Variants in CAMK1D observed in about 807,000 individuals in gnomAD.
CAMK1D encodes calcium/calmodulin-dependent protein kinase type 1D.
CAMK1D carries 9 observed loss-of-function variants against 47.7 expected under a neutral mutation model. That is an observed-to-expected ratio of 0.19 (90% CI 0.11 to 0.33). The LOEUF (loss-of-function observed/expected upper bound fraction) is 0.33. CAMK1D is among the 10% of genes least tolerant of loss of function. The pLI is 1.00. For synonymous variants in CAMK1D, 184 were observed against 184.9 expected, an observed-to-expected ratio of 0.99 and a Z score of 0.04; for missense variants, 291 against 488.7, an observed-to-expected ratio of 0.60 and a Z score of 3.81.
intron 2 of CAMK1D, among the ~76,000 whole-genome samples, chr10:12,561,393 GA>G (rs1290467752): frequency 6.6e-6 from 1 of 152,060 alleles, no homozygotes; most frequent in African/African-American, 2.4e-5. Flanking sequence ...CTGGACCTGT[GA>G]AAACCGGGCT....
chr10:12,460,284 G>A (rs890186788), intron 1 of CAMK1D, among the ~76,000 whole-genome samples: 2 of 146,686 alleles, frequency 1.4e-5, no homozygotes, highest in Non-Finnish European at 3.0e-5. Context: ...TTGAAGAGAT[G>A]GGGTTCCACT....
intron 1 of CAMK1D, among the ~76,000 whole-genome samples, chr10:12,355,770 G>C (rs978544370): frequency 6.6e-6 from 1 of 152,096 alleles, no homozygotes; most frequent in Non-Finnish European, 1.5e-5. Flanking sequence ...TAAAAATATC[G>C]GTTGAACACC....
intron 2 of CAMK1D, among the ~76,000 whole-genome samples, chr10:12,583,924 T>G (rs762990051): frequency 1.3e-5 from 2 of 152,152 alleles, no homozygotes; most frequent in Non-Finnish European, 2.9e-5. Flanking sequence ...GAGGCCTGTG[T>G]GAGTGTAATT....
chr10:12,476,165 G>A (rs1482845202), intron 1 of CAMK1D, among the ~76,000 whole-genome samples: 1 of 152,028 alleles, frequency 6.6e-6, no homozygotes, highest in South Asian at 2.1e-4. Flanking sequence ...GGTGGCACGT[G>A]CCTATAATCC....
chr10:12,735,995 G>A (rs551842734), intron 3 of CAMK1D, among the ~76,000 whole-genome samples: 18 of 152,206 alleles, frequency 1.2e-4, no homozygotes, highest in Non-Finnish European at 2.2e-4. Context: ...GGCTCCCTCT[G>A]GTTGAGACTT....
intron 2 of CAMK1D, among the ~76,000 whole-genome samples, chr10:12,594,369 C>T (rs573540850): frequency 2.0e-5 from 3 of 152,324 alleles, no homozygotes; most frequent in Non-Finnish European, 2.9e-5. Context: ...TGTTCAACCA[C>T]GTTTAAGCCT....
At chr10:12,626,273 C>G (rs1251097678) in intron 2 of CAMK1D, among the ~76,000 whole-genome samples, 1 of 152,090 alleles carries the variant, frequency 6.6e-6, no homozygotes, top group Admixed American at 6.6e-5. Context: ...TCTTGTGAGT[C>G]TTTTGCATTA....
intron 1 of CAMK1D, among the ~76,000 whole-genome samples, chr10:12,432,948 A>T (rs1006684996): frequency 1.3e-5 from 2 of 152,172 alleles, no homozygotes; most frequent in Non-Finnish European, 1.5e-5. Context: ...GGTCCCCGGG[A>T]TTAGAGTAAA....
chr10:12,531,255 TA>T (rs1355779799), intron 1 of CAMK1D, among the ~76,000 whole-genome samples: 4 of 152,210 alleles, frequency 2.6e-5, no homozygotes, highest in African/African-American at 9.6e-5. Context: ...GATATGCTGA[TA>T]ACTTGTTTGT....
chr10:12,407,777 T>C (rs1839491328), intron 1 of CAMK1D, among the ~76,000 whole-genome samples: 1 of 152,036 alleles, frequency 6.6e-6, no homozygotes, highest in South Asian at 2.1e-4. Context: ...CTCTAGGTAC[T>C]TCCCCCCCGG....
intron 1 of CAMK1D, among the ~76,000 whole-genome samples, chr10:12,537,160 C>T (rs1836002184): frequency 6.6e-6 from 1 of 152,156 alleles, no homozygotes; most frequent in African/African-American, 2.4e-5. Flanking sequence ...CAACCTCCAC[C>T]TCCTGGGATC....
intron 3 of CAMK1D, among the ~76,000 whole-genome samples, chr10:12,721,663 C>T (rs1442336676): frequency 6.6e-6 from 1 of 152,140 alleles, no homozygotes; most frequent in African/African-American, 2.4e-5. Context: ...GAGCTTATTA[C>T]CTAGCAGAGG....
At chr10:12,591,754 C>T (rs552767171) in intron 2 of CAMK1D, among the ~76,000 whole-genome samples, 3 of 152,332 alleles carry the variant, frequency 2.0e-5, no homozygotes, top group South Asian at 4.1e-4. Context: ...AGTGCAATGG[C>T]GCGATCTCGG....
At chr10:12,739,936 AT>A (rs902162045) in intron 3 of CAMK1D, among the ~76,000 whole-genome samples, 2 of 152,204 alleles carry the variant, frequency 1.3e-5, no homozygotes, top group African/African-American at 4.8e-5. Flanking sequence ...TTGCACAAAT[AT>A]TTTTGAAAAG....
intron 3 of CAMK1D, among the ~76,000 whole-genome samples, chr10:12,743,519 A>G (rs535892086): frequency 3.1e-4 from 47 of 152,284 alleles, no homozygotes; most frequent in Admixed American, 5.9e-4. Context: ...AATAGGTATA[A>G]ATCACATACC....
chr10:12,821,589 C>T (rs772239346), intron 8 of CAMK1D, among the ~76,000 whole-genome samples: 1 of 152,204 alleles, frequency 6.6e-6, no homozygotes, highest in Non-Finnish European at 1.5e-5. Flanking sequence ...GCAGGGGAGA[C>T]TAGGCTGTGG....
At chr10:12,396,554 G>T (rs1391471529) in intron 1 of CAMK1D, among the ~76,000 whole-genome samples, 1 of 152,224 alleles carries the variant, frequency 6.6e-6, no homozygotes, top group South Asian at 2.1e-4. Flanking sequence ...CCTCTGTGAT[G>T]TAAGGGCTAT....
intron 5 of CAMK1D, among the ~76,000 whole-genome samples, chr10:12,781,555 A>G (rs1178575006): frequency 2.0e-5 from 3 of 152,172 alleles, no homozygotes; most frequent in African/African-American, 7.2e-5. Flanking sequence ...AATGGTAATT[A>G]CATACCAGTA....
chr10:12,500,111 C>T (rs1342943949), intron 1 of CAMK1D, among the ~76,000 whole-genome samples: 2 of 152,044 alleles, frequency 1.3e-5, no homozygotes, highest in African/African-American at 4.8e-5. Flanking sequence ...ACTAAAAATA[C>T]AAAAATTAGC....
Sources: gnomAD v4.1 joint callset for allele counts (sites outside exome capture counted in the v4.1 genomes callset) on GRCh38, gnomAD v4.1.1 for gene constraint, MANE v1.5 for transcripts, NCBI Gene and HGNC (gene_info 2026-07-23, HGNC 2026-07-21) for gene names.